SLC6A5: variants seen among roughly 807,000 people sequenced by gnomAD.
The protein encoded by SLC6A5 is sodium- and chloride-dependent glycine transporter 2.
In SLC6A5, 58 loss-of-function variants were observed where a neutral mutation model predicts 90.5. The observed-to-expected ratio is 0.64, with a 90% CI of 0.52 to 0.80. The LOEUF (loss-of-function observed/expected upper bound fraction) is 0.80, where lower values mean the gene tolerates loss of function less well. Among genes scored for constraint, SLC6A5 ranks in the 30% least tolerant of loss-of-function variants. The pLI, the probability that SLC6A5 is intolerant of heterozygous loss-of-function variation, is 0.00. For synonymous variants in SLC6A5, 427 were observed against 401.4 expected, an observed-to-expected ratio of 1.06 and a Z score of -0.76; for missense variants, 1,015 against 1,017.6, an observed-to-expected ratio of 1.00 and a Z score of 0.03.
chr11:20,650,277 T>C (rs138001607), intron 14 of SLC6A5, among the ~76,000 whole-genome samples: 61 of 152,244 alleles, frequency 4.0e-4, no homozygotes, highest in African/African-American at 1.4e-3. Context: ...AAGGCTTGAG[T>C]AGAGAAGTTA....
At chr11:20,650,179 C>T (rs1853497367) in intron 14 of SLC6A5, among the ~76,000 whole-genome samples, 1 of 152,122 alleles carries the variant, frequency 6.6e-6, no homozygotes, top group Non-Finnish European at 1.5e-5. Flanking sequence ...GAGGAGAGGA[C>T]TTACATAGGT....
intron 1 of SLC6A5, among the ~76,000 whole-genome samples, chr11:20,600,411 GA>G (rs1852446540): frequency 7.1e-6 from 1 of 140,446 alleles, no homozygotes; most frequent in Non-Finnish European, 1.6e-5. Context: ...AGAAGAAGAA[GA>G]CCTAAACAAA....
In SLC6A5 at chr11:20,614,724, C is replaced by T. The variant is rs371937657; in HGVS notation, c.1031C>T (p.Ser344Leu). Residue 344 changes from serine (S) to leucine (L), a missense_variant, in exon 6 of 16, where the codon TCG (serine) becomes TTG (leucine). Physicochemically the swap from Ser to Leu is moderately radical, Grantham distance 145. Transcript: ENST00000525748. Reference protein sequence around the residue: ...SDHPKIQIKNSTFCMTAYPNV... With the variant: ...SDHPKIQIKNLTFCMTAYPNV... ...CATCCCAAAATACAGATCAAGAACT[C>T]GACTTTCTGCATGACCGCTTATCCC... is the stretch of plus-strand genomic sequence containing the variant. 1.4e-5 allele frequency: 22 copies of T among 1,613,776 alleles called. No homozygotes were observed. The highest frequency in any genetic ancestry group is 4.0e-5 in the African/African-American group (3 of 74,924).
intron 6 of SLC6A5, 70 bp downstream of exon 6, chr11:20,614,890 GC>G (rs1852757636): frequency 1.6e-5 from 24 of 1,460,558 alleles, no homozygotes; most frequent in Admixed American, 1.0e-4. Context: ...TATTCAATTT[GC>G]AGACCAGAGG....
At position 20,656,155 on chromosome 11, in the gene SLC6A5, A is replaced by T. The variant is rs900414968; in HGVS notation, c.*1287A>T. On this transcript the variant is annotated 3_prime_UTR_variant, in exon 16 of 16. Transcript: ENST00000525748. ...ATGTCTGCAGAAATTGGCAAAGTGT[A>T]AACTTTATTATCTTCTTGTATCCTG... 4 of 152,228 alleles carry T rather than the reference A, an allele frequency of 2.6e-5. No individual in the cohort carries two copies. The highest frequency in any genetic ancestry group is 9.6e-5 in the African/African-American group (4 of 41,474). The allele number at this position is 152,228 out of a possible 1,614,324, so 9.4% of individuals were successfully genotyped here.
chr11:20,651,708 G>T (rs1320331050), intron 14 of SLC6A5, among the ~76,000 whole-genome samples: 2 of 151,938 alleles, frequency 1.3e-5, no homozygotes, highest in Non-Finnish European at 2.9e-5. Context: ...AGGAGTTTGA[G>T]ATCAGCCTGG....
chr11:20,605,323 G>C (rs1482855845), intron 3 of SLC6A5, among the ~76,000 whole-genome samples: 1 of 152,180 alleles, frequency 6.6e-6, no homozygotes, highest in African/African-American at 2.4e-5. Context: ...TTTGTCTCTT[G>C]GGTCCGCTTC....
chr11:20,617,234 G>A (rs558344723), intron 6 of SLC6A5, among the ~76,000 whole-genome samples: 45 of 152,296 alleles, frequency 3.0e-4, no homozygotes, highest in Non-Finnish European at 4.7e-4. Context: ...GCCAACCTCC[G>A]CCTCAGGACA....
intron 5 of SLC6A5, among the ~76,000 whole-genome samples, chr11:20,612,856 A>C (rs1852718746): frequency 6.6e-6 from 1 of 152,184 alleles, no homozygotes; most frequent in Admixed American, 6.5e-5. Context: ...TTTAAAGACA[A>C]TTTTAACACA....
rs1171319610 is a variant in SLC6A5, at chr11:20,627,972, C to CT, written c.1396-8_1396-7insT. ...GGGTCTTGAATCTCTTTCCCTTTTG[C>CT]CTCTCAGGTGTGGAAAGATGCTGCC... On this transcript the variant is annotated splice_polypyrimidine_tract_variant and splice_region_variant and intron_variant, in intron 8 of 15. Coordinates refer to ENST00000525748, the MANE Select transcript of SLC6A5 (RefSeq NM_004211.5). 6.2e-7 allele frequency: 1 copy of CT among 1,609,284 alleles called. No individual in the cohort carries two copies.
intron 5 of SLC6A5, 29 bp from the exon 6 acceptor site, chr11:20,614,648 CTG>C: frequency 6.2e-7 from 1 of 1,603,454 alleles, no homozygotes; most frequent in Non-Finnish European, 8.5e-7. Context: ...ACAGATTTAA[CTG>C]TGTTTCTATT....
intron 5 of SLC6A5, among the ~76,000 whole-genome samples, chr11:20,608,898 G>A (rs1038124552): frequency 3.0e-5 from 4 of 134,844 alleles, no homozygotes; most frequent in Non-Finnish European, 4.7e-5. Flanking sequence ...TGTGTTTATA[G>A]TCTCTCTCTC....
intron 7 of SLC6A5, among the ~76,000 whole-genome samples, chr11:20,618,548 C>T (rs893881226): frequency 6.6e-5 from 10 of 152,168 alleles, no homozygotes; most frequent in Admixed American, 6.5e-4. Flanking sequence ...CAGTTCCAAG[C>T]CACAGAAAGA....
intron 5 of SLC6A5, among the ~76,000 whole-genome samples, chr11:20,609,002 C>A (rs868752417): frequency 2.9e-5 from 4 of 140,292 alleles, no homozygotes; most frequent in Admixed American, 7.3e-5. Context: ...TTAAAGCAGG[C>A]TGAGCATGTT....
At chr11:20,615,738 C>A (rs904551497) in intron 6 of SLC6A5, among the ~76,000 whole-genome samples, 5 of 151,278 alleles carry the variant, frequency 3.3e-5, no homozygotes, top group South Asian at 4.2e-4. Flanking sequence ...TGTTCTCTAG[C>A]TAAACTTTAA....
Position 20,601,291 on chromosome 11 carries a change from T to C in SLC6A5, c.166T>C (p.Ser56Pro), listed in dbSNP as rs1273984815. 3 of 1,590,056 alleles carry C rather than the reference T, an allele frequency of 1.9e-6. 1 individual carries two copies. The highest frequency in any genetic ancestry group is 2.6e-6 in the Non-Finnish European group (3 of 1,173,914). ...PPPPRVPRSA[S>P]TGAQTFQSAD... The stretch of plus-strand genomic sequence containing the variant: ...GCCGCCACGTGTGCCCAGGTCCGCT[T>C]CCACCGGCGCCCAAACTTTCCAGTC... The change falls in exon 2 of 16, where the codon TCC (serine) becomes CCC (proline). Residue 56 changes from serine (S) to proline (P), a missense_variant. By Grantham distance (74) the Ser-to-Pro change is moderately conservative. Coordinates refer to ENST00000525748, the MANE Select transcript of SLC6A5 (RefSeq NM_004211.5).
At chr11:20,629,518 A>T (rs945151673) in intron 9 of SLC6A5, among the ~76,000 whole-genome samples, 1 of 152,174 alleles carries the variant, frequency 6.6e-6, no homozygotes. Context: ...TTTAAATGAC[A>T]CATAGTAATT....
intron 6 of SLC6A5, 29 bp from the exon 7 acceptor site, chr11:20,617,723 C>A (rs1658352572): frequency 6.2e-7 from 1 of 1,606,330 alleles, no homozygotes. Flanking sequence ...CTTTCTATCA[C>A]TCCCCCCATC....
In SLC6A5 at chr11:20,657,386, C is replaced by G. The variant is rs1853650178; in HGVS notation, c.*2518C>G. On this transcript the variant is annotated 3_prime_UTR_variant, in exon 16 of 16. Transcript: ENST00000525748. ...TAAGATGCAGTAGCTGCTCCCTGAG[C>G]AGCTGTTTCCCCCCCACCCCACTTC... 1 of 152,032 alleles carries G rather than the reference C, an allele frequency of 6.6e-6. No homozygotes were observed. The highest frequency in any genetic ancestry group is 2.4e-5 in the African/African-American group (1 of 41,322). 9.4% of individuals were successfully genotyped at this position (152,032 alleles called of 1,614,324 possible). A position where few individuals can be genotyped will look rare whatever the true frequency, so the allele number is the denominator to read the frequency against.
Sources: gnomAD v4.1 joint callset for allele counts (sites outside exome capture counted in the v4.1 genomes callset) on GRCh38, gnomAD v4.1.1 for gene constraint, MANE v1.5 for transcripts, NCBI Gene and HGNC (gene_info 2026-07-23, HGNC 2026-07-21) for gene names.